The following SDK1 variants were observed in gnomAD, a reference collection of about 807,000 sequenced individuals.
The protein encoded by SDK1 is protein sidekick-1.
In SDK1, 157 loss-of-function variants were observed where a neutral mutation model predicts 245.5. That is an observed-to-expected ratio of 0.64 (90% CI 0.56 to 0.73). The LOEUF is 0.73. SDK1 is among the 30% of genes least tolerant of loss of function. The pLI is 0.00. For synonymous variants in SDK1, 1,647 were observed against 1,278.5 expected, an observed-to-expected ratio of 1.29 and a Z score of -6.15; for missense variants, 3,583 against 3,002.3, an observed-to-expected ratio of 1.19 and a Z score of -4.52.
chr7:4,001,197 T>A (rs1296130467), intron 14 of SDK1, among the ~76,000 whole-genome samples: 1 of 152,162 alleles, frequency 6.6e-6, no homozygotes, highest in Admixed American at 6.5e-5. Flanking sequence ...CCAGCTTCCA[T>A]CTGGAGAGGG....
At chr7:4,104,507 G>C (rs1782778860) in intron 22 of SDK1, among the ~76,000 whole-genome samples, 1 of 152,206 alleles carries the variant, frequency 6.6e-6, no homozygotes, top group African/African-American at 2.4e-5. Flanking sequence ...AGAGGTCACG[G>C]TTATATTGCT....
chr7:3,657,267 A>C (rs1462200726), intron 4 of SDK1, among the ~76,000 whole-genome samples: 1 of 152,126 alleles, frequency 6.6e-6, no homozygotes, highest in African/African-American at 2.4e-5. Context: ...GACAGGGCAA[A>C]ACATGCTAAA....
chr7:3,454,448 A>T (rs964014121), intron 1 of SDK1, among the ~76,000 whole-genome samples: 5 of 131,998 alleles, frequency 3.8e-5, no homozygotes, highest in Admixed American at 8.0e-5. Context: ...AGTCTATGCA[A>T]TTCTGTTACA....
intron 5 of SDK1, among the ~76,000 whole-genome samples, chr7:3,880,390 C>T (rs1781177633): frequency 6.6e-6 from 1 of 152,128 alleles, no homozygotes; most frequent in South Asian, 2.1e-4. Flanking sequence ...GGCAACACAG[C>T]GAGAACCAGC....
chr7:4,010,749 TGGC>T (rs1010019288), intron 14 of SDK1, among the ~76,000 whole-genome samples: 3 of 152,192 alleles, frequency 2.0e-5, no homozygotes, highest in Non-Finnish European at 2.9e-5. Flanking sequence ...TGCTCATTGA[TGGC>T]GGCACCGGGG....
At chr7:3,398,836 A>C (rs1778805296) in intron 1 of SDK1, among the ~76,000 whole-genome samples, 1 of 150,174 alleles carries the variant, frequency 6.7e-6, no homozygotes, top group Non-Finnish European at 1.5e-5. Context: ...TTACCACTTA[A>C]GTGTTCCTAC....
At chr7:4,082,861 T>C (rs931527433) in intron 22 of SDK1, among the ~76,000 whole-genome samples, 1 of 152,090 alleles carries the variant, frequency 6.6e-6, no homozygotes, top group Non-Finnish European at 1.5e-5. Flanking sequence ...GTTCAAGCGA[T>C]CTGTCAGCCT....
chr7:4,256,406 C>T (rs1433737147), intron 44 of SDK1, among the ~76,000 whole-genome samples: 1 of 152,180 alleles, frequency 6.6e-6, no homozygotes, highest in African/African-American at 2.4e-5. Flanking sequence ...GCCTTAACTC[C>T]AAGTTTACAG....
At chr7:3,543,297 T>C (rs997869419) in intron 1 of SDK1, among the ~76,000 whole-genome samples, 3 of 152,290 alleles carry the variant, frequency 2.0e-5, no homozygotes, top group Non-Finnish European at 2.9e-5. Context: ...CTTGGCTTCC[T>C]GTTATACTCC....
intron 1 of SDK1, among the ~76,000 whole-genome samples, chr7:3,566,000 C>CTT (rs1436350108): frequency 6.6e-6 from 1 of 152,016 alleles, no homozygotes. Flanking sequence ...TAAGATACGA[C>CTT]TTACAGCAAC....
chr7:3,680,934 C>A (rs1406867117), intron 4 of SDK1, among the ~76,000 whole-genome samples: 2 of 152,144 alleles, frequency 1.3e-5, no homozygotes, highest in Non-Finnish European at 2.9e-5. Context: ...CCTCCACCTC[C>A]CGGGTTCAAG....
At chr7:3,330,923 G>C (rs2128550840) in intron 1 of SDK1, among the ~76,000 whole-genome samples, 1 of 151,390 alleles carries the variant, frequency 6.6e-6, no homozygotes, top group East Asian at 1.9e-4. Context: ...CTTTGATCCT[G>C]TCATTGCACT....
In SDK1 at chr7:3,576,573, T is replaced by G. The variant is rs77508946; in HGVS notation, c.299-42507T>G. 3.4e-3 allele frequency among the ~76,000 whole-genome samples: 519 copies of G among 152,232 alleles called. 4 individuals carry two copies. The highest frequency in any genetic ancestry group is 0.012 in the African/African-American group (496 of 41,578). The stretch of plus-strand genomic sequence containing the variant: ...AATAATTGGATTTTTTGGTTGTACT[T>G]TAGTAAATCTGCCAGTATCTTTAAT... On this transcript the variant is annotated intron_variant, in intron 1 of 44. Coordinates refer to ENST00000404826, the MANE Select transcript of SDK1 (RefSeq NM_152744.4).
At chr7:4,197,081 A>C (rs893272267) in intron 35 of SDK1, among the ~76,000 whole-genome samples, 1 of 152,220 alleles carries the variant, frequency 6.6e-6, no homozygotes, top group Non-Finnish European at 1.5e-5. Flanking sequence ...CACACGGGCA[A>C]ACATGAAACC....
At chr7:4,256,878 T>A (rs2128242315) in intron 44 of SDK1, among the ~76,000 whole-genome samples, 1 of 152,320 alleles carries the variant, frequency 6.6e-6, no homozygotes, top group East Asian at 1.9e-4. Flanking sequence ...AGGACATTTT[T>A]AAACCACTCT....
At chr7:3,998,969 C>T (rs778758565) in intron 14 of SDK1, among the ~76,000 whole-genome samples, 3 of 152,206 alleles carry the variant, frequency 2.0e-5, no homozygotes, top group Admixed American at 2.0e-4. Context: ...GTCATTCCAA[C>T]TGCTTAGAAC....
At chr7:3,576,470 AGT>A (rs1180952704) in intron 1 of SDK1, among the ~76,000 whole-genome samples, 3 of 152,070 alleles carry the variant, frequency 2.0e-5, no homozygotes, top group Non-Finnish European at 4.4e-5. Flanking sequence ...CCCCGTTTGC[AGT>A]GGTCCAGTTA....
intron 1 of SDK1, among the ~76,000 whole-genome samples, chr7:3,341,478 A>G (rs1034741272): frequency 2.0e-5 from 3 of 152,208 alleles, no homozygotes; most frequent in African/African-American, 7.2e-5. Flanking sequence ...TTGCTGTCCA[A>G]AACAGTAGTA....
At chr7:3,653,582 C>T (rs1303052143) in intron 4 of SDK1, among the ~76,000 whole-genome samples, 1 of 151,994 alleles carries the variant, frequency 6.6e-6, no homozygotes, top group Non-Finnish European at 1.5e-5. Context: ...GGGCTACAGT[C>T]CTCAGGAAAT....
Sources: allele counts gnomAD v4.1 joint callset (sites outside exome capture counted in the v4.1 genomes callset), GRCh38; gene constraint gnomAD v4.1.1; transcripts MANE v1.5; gene names NCBI Gene and HGNC (gene_info 2026-07-23, HGNC 2026-07-21).